RGS6: variants seen among roughly 807,000 people sequenced by gnomAD.
The protein encoded by RGS6 is regulator of G-protein signaling 6.
RGS6 carries 30 observed loss-of-function variants against 78.5 expected under a neutral mutation model. The ratio of observed to expected loss-of-function variants is 0.38; its 90% CI spans 0.29 to 0.52. The LOEUF is 0.52. Ranked by LOEUF, RGS6 falls within the 20% of genes least tolerant of loss-of-function variation. The pLI is 0.85. For synonymous variants in RGS6, 206 were observed against 206.0 expected, an observed-to-expected ratio of 1.00 and a Z score of 0.00; for missense variants, 495 against 609.7, an observed-to-expected ratio of 0.81 and a Z score of 1.98.
intron 2 of RGS6, among the ~76,000 whole-genome samples, chr14:72,164,279 C>T (rs1356357807): frequency 1.3e-5 from 2 of 152,224 alleles, no homozygotes; most frequent in African/African-American, 2.4e-5. Flanking sequence ...CAGAACTGTA[C>T]TGCTCTACAG....
chr14:72,241,155 CAA>C (rs55988416), intron 2 of RGS6, among the ~76,000 whole-genome samples: 4 of 102,132 alleles, frequency 3.9e-5, no homozygotes, highest in African/African-American at 7.8e-5. Flanking sequence ...GACTCTGTCT[CAA>C]AAAAAAAAAA....
chr14:72,339,143 A>G (rs1055868446), intron 2 of RGS6, among the ~76,000 whole-genome samples: 1 of 152,082 alleles, frequency 6.6e-6, no homozygotes, highest in Non-Finnish European at 1.5e-5. Context: ...ACCAAAATTC[A>G]TATGTTGAAA....
chr14:71,918,897 G>A, the RGS6 span, among the ~76,000 whole-genome samples: 1 of 152,182 alleles, frequency 6.6e-6, no homozygotes, highest in East Asian at 1.9e-4. Context: ...AAATATATAT[G>A]GTAAGCAGGG....
chr14:72,080,713 G>A (rs1567165173), intron 2 of RGS6, among the ~76,000 whole-genome samples: 1 of 151,944 alleles, frequency 6.6e-6, no homozygotes, highest in Non-Finnish European at 1.5e-5. Flanking sequence ...TGAGATGAGG[G>A]TCCAATTCAT....
intron 2 of RGS6, among the ~76,000 whole-genome samples, chr14:71,967,910 A>C (rs951834082): frequency 6.6e-6 from 1 of 152,130 alleles, no homozygotes; most frequent in African/African-American, 2.4e-5. Flanking sequence ...AACACTCTTC[A>C]TTTCCTTTTC....
chr14:72,377,440 A>G (rs1215218030), intron 3 of RGS6, among the ~76,000 whole-genome samples: 1 of 152,216 alleles, frequency 6.6e-6, no homozygotes, highest in Non-Finnish European at 1.5e-5. Context: ...CTACAATACA[A>G]TAATAGTTGG....
chr14:72,472,051 G>A (rs963569932), intron 8 of RGS6, among the ~76,000 whole-genome samples: 3 of 151,970 alleles, frequency 2.0e-5, no homozygotes, highest in Non-Finnish European at 4.4e-5. Flanking sequence ...GGTGATTATG[G>A]GTTTATTTCA....
intron 1 of RGS6, among the ~76,000 whole-genome samples, chr14:71,941,593 G>A (rs1420197316): frequency 1.3e-5 from 2 of 152,192 alleles, no homozygotes; most frequent in Non-Finnish European, 2.9e-5. Flanking sequence ...TCCCAAAACT[G>A]AAGAACTTGG....
intron 2 of RGS6, among the ~76,000 whole-genome samples, chr14:72,057,313 GAAAAAA>G (rs71109718): frequency 0.031 from 1,724 of 56,008 alleles, 15 homozygotes; most frequent in African/African-American, 0.036. Flanking sequence ...GACTCTATCT[GAAAAAA>G]AAAAAAAAAA....
intron 2 of RGS6, among the ~76,000 whole-genome samples, chr14:72,115,183 C>T (rs746417542): frequency 2.6e-5 from 4 of 152,122 alleles, no homozygotes; most frequent in East Asian, 1.9e-4. Context: ...CCCTAGCGCT[C>T]GCTCAGGGTT....
intron 2 of RGS6, among the ~76,000 whole-genome samples, chr14:72,081,378 T>C (rs1049804068): frequency 6.6e-6 from 1 of 152,130 alleles, no homozygotes; most frequent in Non-Finnish European, 1.5e-5. Context: ...TCTTGAGATC[T>C]TTTCTGTTTA....
intron 3 of RGS6, among the ~76,000 whole-genome samples, chr14:72,453,382 G>A (rs1290951776): frequency 6.6e-6 from 1 of 151,748 alleles, no homozygotes; most frequent in African/African-American, 2.4e-5. Context: ...TTGGGAGGCC[G>A]AGGCGGGCGG....
At chr14:72,185,980 T>C (rs930058937) in intron 2 of RGS6, among the ~76,000 whole-genome samples, 1 of 152,248 alleles carries the variant, frequency 6.6e-6, no homozygotes, top group African/African-American at 2.4e-5. Flanking sequence ...TCAACCACTT[T>C]CCTAACAAGT....
chr14:72,172,510 C>G (rs1431822592), intron 2 of RGS6, among the ~76,000 whole-genome samples: 2 of 152,044 alleles, frequency 1.3e-5, no homozygotes, highest in Non-Finnish European at 2.9e-5. Flanking sequence ...TTATTATATA[C>G]ACGTATGCAT....
chr14:71,914,144 C>T, the RGS6 span, among the ~76,000 whole-genome samples: 2 of 152,236 alleles, frequency 1.3e-5, no homozygotes, highest in Non-Finnish European at 2.9e-5. Context: ...TCCTCTCTCC[C>T]TGGAGGTGGG....
the RGS6 span, among the ~76,000 whole-genome samples, chr14:72,600,115 C>T: frequency 1.3e-5 from 2 of 152,096 alleles, no homozygotes; most frequent in African/African-American, 4.8e-5. Flanking sequence ...CCTTTCTTTC[C>T]CCTGCCACAC....
chr14:72,393,086 G>A (rs745679500), intron 3 of RGS6, among the ~76,000 whole-genome samples: 1 of 152,222 alleles, frequency 6.6e-6, no homozygotes, highest in Non-Finnish European at 1.5e-5. Flanking sequence ...CAAAGGGTCA[G>A]ATACCATTTC....
chr14:72,169,006 A>AC (rs2153678669), intron 2 of RGS6, among the ~76,000 whole-genome samples: 1 of 152,150 alleles, frequency 6.6e-6, no homozygotes, highest in South Asian at 2.1e-4. Context: ...CCACCTGCCC[A>AC]CCCCCACTGC....
At chr14:72,385,980 G>A (rs1011570576) in intron 3 of RGS6, among the ~76,000 whole-genome samples, 1 of 152,032 alleles carries the variant, frequency 6.6e-6, no homozygotes. Flanking sequence ...AGGAGAACAC[G>A]TTCTTGCTGG....
Sources: gnomAD v4.1 joint callset for allele counts (sites outside exome capture counted in the v4.1 genomes callset) on GRCh38, gnomAD v4.1.1 for gene constraint, MANE v1.5 for transcripts, NCBI Gene and HGNC (gene_info 2026-07-23, HGNC 2026-07-21) for gene names.